TMEM192: variants seen among roughly 807,000 people sequenced by gnomAD.
TMEM192 encodes the protein transmembrane protein 192.
TMEM192 carries 20 observed loss-of-function variants against 26.7 expected under a neutral mutation model. That is an observed-to-expected ratio of 0.75 (90% confidence interval 0.53 to 1.09). The LOEUF (loss-of-function observed/expected upper bound fraction) is 1.09, where lower values mean the gene tolerates loss of function less well. TMEM192 is among the 50% of genes least tolerant of loss of function. TMEM192 has a pLI of 0.00. For missense variants in TMEM192, 304 were observed against 322.6 expected (o/e 0.94, Z 0.44); for synonymous variants, 124 against 121.0 (o/e 1.02, Z -0.16).
chr4:165,085,231 C>T (rs1412380997), intron 5 of TMEM192, among the ~76,000 whole-genome samples: 1 of 148,262 alleles, frequency 6.7e-6, no homozygotes, highest in Non-Finnish European at 1.5e-5. Flanking sequence ...CAAGATCATG[C>T]CACTGCACTC....
intron 3 of TMEM192, among the ~76,000 whole-genome samples, chr4:165,091,537 A>G (rs1396645241): frequency 6.6e-6 from 1 of 152,240 alleles, no homozygotes. Context: ...GTAGGAACGT[A>G]GAAAAGCAGT....
At position 165,083,004 on chromosome 4, in the gene TMEM192, G is replaced by A. The variant is rs1734540327; in HGVS notation, c.677+2582C>T. 5.0e-5 allele frequency among the ~76,000 whole-genome samples: 2 copies of A among 39,754 alleles called. 1 individual carries two copies. The highest frequency in any genetic ancestry group is 6.6e-4 in the Admixed American group (2 of 3,040). The allele number at this position is 39,754 out of a possible 152,430, so 26.1% of individuals were successfully genotyped here. On this transcript the variant is annotated intron_variant, in intron 5 of 5. Transcript: ENST00000306480. ...CCCGCCTCGGCCTCACAAAGTACTGGGATTACAGGCGTGAGCCACCACGTC... is the reference window on the plus strand; with the variant it reads ...CCCGCCTCGGCCTCACAAAGTACTGAGATTACAGGCGTGAGCCACCACGTC...
At chr4:165,107,098 C>T (rs1735179299) in intron 1 of TMEM192, among the ~76,000 whole-genome samples, 1 of 151,480 alleles carries the variant, frequency 6.6e-6, no homozygotes, top group Non-Finnish European at 1.5e-5. Context: ...GATCTCAGCT[C>T]ACTGCAACCT....
At chr4:165,097,142 C>T (rs1734926298) in intron 3 of TMEM192, among the ~76,000 whole-genome samples, 1 of 152,096 alleles carries the variant, frequency 6.6e-6, no homozygotes, top group African/African-American at 2.4e-5. Context: ...TAGCATAGCC[C>T]TTCAGCTTCC....
intron 3 of TMEM192, among the ~76,000 whole-genome samples, chr4:165,092,883 C>A (rs536302760): frequency 6.6e-6 from 1 of 150,752 alleles, no homozygotes; most frequent in Non-Finnish European, 1.5e-5. Flanking sequence ...GGCAACAGAG[C>A]GAGACCTTGT....
intron 5 of TMEM192, among the ~76,000 whole-genome samples, chr4:165,084,467 G>A (rs1037603836): frequency 3.3e-5 from 5 of 151,698 alleles, no homozygotes; most frequent in Non-Finnish European, 7.4e-5. Flanking sequence ...CGAAAGTGCT[G>A]GGATTACAGG....
rs529058503 is a variant in TMEM192, at chr4:165,081,540, C to A, written c.678-1744G>T. ...CTGGGACTATAAGCGCCCATCATCA[C>A]GCCCGGCTAATTTTTTTTTTTTTGT... is the stretch of plus-strand genomic sequence containing the variant. On this transcript the variant is annotated intron_variant, in intron 5 of 5. Coordinates refer to ENST00000306480, the MANE Select transcript of TMEM192 (RefSeq NM_001100389.2). Among the ~76,000 whole-genome samples the A allele has an allele frequency of 4.3e-3, 103 of 23,748 alleles. 27 individuals are homozygous for A. The highest frequency in any genetic ancestry group is 7.0e-3 in the African/African-American group (100 of 14,252). 15.6% of individuals were successfully genotyped at this position (23,748 alleles called of 152,430 possible).
At position 165,079,340 on chromosome 4, in the gene TMEM192, T is replaced by C; in HGVS notation, c.*318A>G. The C allele has an allele frequency of 4.2e-6, 1 of 239,396 alleles. No homozygotes were observed. The highest frequency in any genetic ancestry group is 8.0e-6 in the Non-Finnish European group (1 of 125,478). 14.8% of individuals were successfully genotyped at this position (239,396 alleles called of 1,614,324 possible). On this transcript the variant is annotated 3_prime_UTR_variant, in exon 6 of 6. Coordinates refer to ENST00000306480, the MANE Select transcript of TMEM192 (RefSeq NM_001100389.2). Reference sequence around the variant, plus strand: ...CCATAATGAAATCATTACAGGGTTCTAATGTCAGGTGGAAAAGTGTTGACT... The same window carrying C: ...CCATAATGAAATCATTACAGGGTTCCAATGTCAGGTGGAAAAGTGTTGACT...
chr4:165,087,472 C>T (rs949345018), intron 4 of TMEM192, among the ~76,000 whole-genome samples: 5 of 152,252 alleles, frequency 3.3e-5, no homozygotes, highest in Non-Finnish European at 7.4e-5. Flanking sequence ...TAGATGACTC[C>T]TACGTTTCTA....
intron 1 of TMEM192, among the ~76,000 whole-genome samples, chr4:165,103,765 G>A (rs991330150): frequency 6.6e-6 from 1 of 151,872 alleles, no homozygotes; most frequent in Non-Finnish European, 1.5e-5. Context: ...CAGGTGATCC[G>A]CCTGCCTCGG....
chr4:165,107,342 AAAAAC>A (rs1421144535), intron 1 of TMEM192, among the ~76,000 whole-genome samples: 3 of 131,306 alleles, frequency 2.3e-5, no homozygotes, highest in African/African-American at 6.1e-5. Context: ...AAACAAAAAC[AAAAAC>A]AAAAAAAAAA....
chr4:165,081,038 T>A (rs1158153899), intron 5 of TMEM192, among the ~76,000 whole-genome samples: 1 of 152,024 alleles, frequency 6.6e-6, no homozygotes, highest in Non-Finnish European at 1.5e-5. Context: ...TTTATAAGCA[T>A]AACATGAAAA....
intron 1 of TMEM192, 122 bp from the exon 2 acceptor site, chr4:165,103,218 C>T: frequency 2.7e-6 from 2 of 732,950 alleles, no homozygotes; most frequent in Non-Finnish European, 1.9e-6. Context: ...GAACACATTG[C>T]CTACCTGAAT....
At chr4:165,093,159 C>T (rs1734810051) in intron 3 of TMEM192, among the ~76,000 whole-genome samples, 2 of 141,494 alleles carry the variant, frequency 1.4e-5, no homozygotes, top group African/African-American at 5.2e-5. Context: ...CGCGGTGGCA[C>T]GATCTCAGCT....
intron 1 of TMEM192, among the ~76,000 whole-genome samples, chr4:165,110,228 G>A (rs1735261980): frequency 6.6e-6 from 1 of 152,196 alleles, no homozygotes; most frequent in African/African-American, 2.4e-5. Flanking sequence ...TGTAGAAGAT[G>A]TCTGTTGTTT....
chr4:165,100,838 G>C lies in TMEM192; in HGVS notation c.229C>G (p.Pro77Ala), dbSNP rs1486943798. The change falls in exon 3 of 6, where the codon CCA becomes GCA. Residue 77 changes from proline (P) to alanine (A), a missense_variant. By Grantham distance (27) the Pro-to-Ala change is conservative. Coordinates refer to ENST00000306480, the MANE Select transcript of TMEM192 (RefSeq NM_001100389.2). ...TTTCCTGGGCACTTGTCCTCATTTG[G>C]ATTAGGATAAGAACAAAGCACACCT... Reference protein sequence around the residue: ...LTGVLCSYPNPNEDKCPGNYT... With the variant: ...LTGVLCSYPNANEDKCPGNYT... The C allele has an allele frequency of 3.1e-6, 5 of 1,614,068 alleles. No individual in the cohort carries two copies. Among genetic ancestry groups the C allele is most frequent in the Non-Finnish European group, 4.2e-6 (5 of 1,179,990 alleles).
chr4:165,108,330 C>G (rs1735216293), intron 1 of TMEM192, among the ~76,000 whole-genome samples: 1 of 151,908 alleles, frequency 6.6e-6, no homozygotes. Flanking sequence ...ACCATGTTAA[C>G]CAGGATGGTC....
chr4:165,079,584 G>A lies in TMEM192; in HGVS notation c.*74C>T. The A allele has an allele frequency of 6.7e-7, 1 of 1,485,916 alleles. No individual in the cohort carries two copies. The highest frequency in any genetic ancestry group is 9.0e-7 in the Non-Finnish European group (1 of 1,107,300). 92.0% of individuals were successfully genotyped at this position (1,485,916 alleles called of 1,614,324 possible). A position where few individuals can be genotyped will look rare whatever the true frequency, so the allele number is the denominator to read the frequency against. Reference sequence around the variant, plus strand: ...TCAGCAAAAGCTGCAGTTCCCCGTGGCAGCTTGTCAGGTGGTCAGTCAGTC... The same window carrying A: ...TCAGCAAAAGCTGCAGTTCCCCGTGACAGCTTGTCAGGTGGTCAGTCAGTC... On this transcript the variant is annotated 3_prime_UTR_variant, in exon 6 of 6. Transcript: ENST00000306480.
intron 3 of TMEM192, among the ~76,000 whole-genome samples, chr4:165,097,505 A>C (rs1435115182): frequency 1.3e-5 from 2 of 149,410 alleles, no homozygotes; most frequent in Admixed American, 1.3e-4. Context: ...AAAAAAAAAA[A>C]AAAAAGAAAA....
Sources: gnomAD v4.1 joint callset for allele counts (sites outside exome capture counted in the v4.1 genomes callset) on GRCh38, gnomAD v4.1.1 for gene constraint, MANE v1.5 for transcripts, NCBI Gene and HGNC (gene_info 2026-07-23, HGNC 2026-07-21) for gene names.